Variants in FAM117B observed in about 807,000 individuals in gnomAD.
The protein encoded by FAM117B is family with sequence similarity 117 member B.
In FAM117B, 22 loss-of-function variants were observed where a neutral mutation model predicts 52.8. That is an observed-to-expected ratio of 0.42 (90% confidence interval 0.30 to 0.59). The LOEUF (loss-of-function observed/expected upper bound fraction) is 0.59. Ranked by LOEUF, FAM117B falls within the 20% of genes least tolerant of loss-of-function variation. The pLI is 0.22. For synonymous variants in FAM117B, 309 were observed against 324.1 expected (o/e 0.95, Z 0.50); for missense variants, 678 against 802.6 (o/e 0.84, Z 1.88).
chr2:202,655,761 A>AGTGT (rs1182174843), intron 1 of FAM117B, among the ~76,000 whole-genome samples: 35 of 100,350 alleles, frequency 3.5e-4, no homozygotes, highest in Non-Finnish European at 5.5e-4. Flanking sequence ...AGAGAGAGAG[A>AGTGT]GTGTGTGTGT....
At chr2:202,731,008 T>G (rs964755203) in intron 4 of FAM117B, among the ~76,000 whole-genome samples, 2 of 152,186 alleles carry the variant, frequency 1.3e-5, no homozygotes, top group Non-Finnish European at 2.9e-5. Context: ...AAGGCATTTG[T>G]GTCTAAATTA....
chr2:202,729,195 A>G (rs1055900253), intron 4 of FAM117B, among the ~76,000 whole-genome samples: 1 of 152,146 alleles, frequency 6.6e-6, no homozygotes, highest in Non-Finnish European at 1.5e-5. Flanking sequence ...AAAATTAGCG[A>G]GGCTGGCGGG....
intron 2 of FAM117B, among the ~76,000 whole-genome samples, chr2:202,708,060 A>G (rs1690901143): frequency 6.6e-6 from 1 of 152,130 alleles, no homozygotes; most frequent in South Asian, 2.1e-4. Flanking sequence ...ATAAGCCACC[A>G]CGCCCAGCCT....
At chr2:202,696,157 C>A (rs1690709203) in intron 2 of FAM117B, 125 bp downstream of exon 2, 4 of 1,056,770 alleles carry the variant, frequency 3.8e-6, no homozygotes, top group Non-Finnish European at 5.1e-6. Flanking sequence ...AGAAACTTAC[C>A]AAAAAGAGCA....
At chr2:202,684,990 A>ATT (rs1000849731) in intron 1 of FAM117B, among the ~76,000 whole-genome samples, 4 of 148,064 alleles carry the variant, frequency 2.7e-5, no homozygotes, top group African/African-American at 9.8e-5. Flanking sequence ...CTCAAAAAAA[A>ATT]TTTTTTTTTT....
intron 2 of FAM117B, among the ~76,000 whole-genome samples, chr2:202,716,941 T>C (rs1235076735): frequency 6.6e-6 from 1 of 152,244 alleles, no homozygotes; most frequent in African/African-American, 2.4e-5. Context: ...TGGAATTTCT[T>C]TGAGCTTCCT....
chr2:202,757,395 T>A lies in FAM117B; in HGVS notation c.1287T>A (p.Ser429Arg), dbSNP rs1403787958. ...TTTCCAATGAAGGTAGCGAGGAGAG[T>A]CCTTGCTCAGCGGATGACCTGCTTG... ...LTISNEGSEE[S>R]PCSADDLLVD... The change falls in exon 6 of 8, where the codon AGT becomes AGA. Residue 429 changes from serine to arginine, a missense_variant. Physicochemically the swap from Ser to Arg is moderately radical, Grantham distance 110. Transcript: ENST00000392238. 1.2e-6 allele frequency: 2 copies of A among 1,613,694 alleles called. No homozygotes were observed. The highest frequency in any genetic ancestry group is 4.5e-5 in the East Asian group (2 of 44,862).
intron 5 of FAM117B, 54 bp downstream of exon 5, chr2:202,755,735 T>C: frequency 6.5e-7 from 1 of 1,530,108 alleles, no homozygotes; most frequent in Non-Finnish European, 8.9e-7. Context: ...TTATTAAAAA[T>C]GCACAGTTTG....
chr2:202,664,741 G>A (rs975420823), intron 1 of FAM117B, among the ~76,000 whole-genome samples: 9 of 151,908 alleles, frequency 5.9e-5, no homozygotes, highest in African/African-American at 1.9e-4. Context: ...CAGAACACGT[G>A]CCTCATTTGC....
intron 1 of FAM117B, among the ~76,000 whole-genome samples, chr2:202,657,010 A>G (rs1690065508): frequency 6.6e-6 from 1 of 152,114 alleles, no homozygotes. Context: ...CCTTTCTATA[A>G]TTCCATCCTT....
rs34063266 is a variant in FAM117B, at chr2:202,724,051, C to CTTTT, written c.754-845_754-842dup. Among the ~76,000 whole-genome samples the CTTTT allele has an allele frequency of 4.2e-3, 376 of 89,760 alleles. 9 individuals carry two copies. Among genetic ancestry groups the CTTTT allele is most frequent in the African/African-American group, 8.9e-3 (191 of 21,534 alleles). 58.9% of individuals were successfully genotyped at this position (89,760 alleles called of 152,430 possible). A position where few individuals can be genotyped will look rare whatever the true frequency, so the allele number is the denominator to read the frequency against. The stretch of plus-strand genomic sequence containing the variant: ...TTTGGTATAACTACTTAAGGTTTAA[C>CTTTT]TTTTTTTTTTTTTTTTTTTTTTTTG... On this transcript the variant is annotated intron_variant, in intron 2 of 7. Coordinates refer to ENST00000392238, the MANE Select transcript of FAM117B (RefSeq NM_173511.4).
intron 4 of FAM117B, among the ~76,000 whole-genome samples, chr2:202,731,358 T>TAG (rs1691345132): frequency 7.5e-6 from 1 of 133,070 alleles, no homozygotes; most frequent in Admixed American, 7.8e-5. Flanking sequence ...TATATATATA[T>TAG]ATATATATAT....
intron 1 of FAM117B, among the ~76,000 whole-genome samples, chr2:202,688,887 A>G (rs1325663808): frequency 6.6e-6 from 1 of 152,214 alleles, no homozygotes; most frequent in African/African-American, 2.4e-5. Flanking sequence ...AAACAAGTCT[A>G]AAAGGATACC....
At chr2:202,720,199 A>G (rs1182652327) in intron 2 of FAM117B, among the ~76,000 whole-genome samples, 1 of 151,974 alleles carries the variant, frequency 6.6e-6, no homozygotes. Context: ...ATTCTTCTGT[A>G]TTGATTTGTT....
At chr2:202,655,714 G>GAC (rs1690043575) in intron 1 of FAM117B, among the ~76,000 whole-genome samples, 1 of 30,412 alleles carries the variant, frequency 3.3e-5, no homozygotes, top group Non-Finnish European at 6.3e-5. Context: ...GAGTGAGAGA[G>GAC]AGAGAGAGAG....
At chr2:202,665,735 G>A (rs1690195332) in intron 1 of FAM117B, among the ~76,000 whole-genome samples, 1 of 152,110 alleles carries the variant, frequency 6.6e-6, no homozygotes, top group Non-Finnish European at 1.5e-5. Flanking sequence ...TGAGTAGCTG[G>A]GACTACAGGT....
At position 202,635,418 on chromosome 2, in the gene FAM117B, A is replaced by T. The variant is rs1689663572; in HGVS notation, c.231A>T (p.Ala77=). Residue 77 remains alanine (A), a synonymous_variant, in exon 1 of 8, where the codon GCA becomes GCT. Transcript: ENST00000392238. The part of the protein sequence containing the change: ...GGCCGGASGP[A]GGGGGGGPRT... ...GCTGTGGTGGCGCCTCAGGCCCCGC[A>T]GGCGGCGGCGGCGGCGGTGGCCCGC... The T allele has an allele frequency of 8.1e-7, 1 of 1,237,520 alleles. No homozygotes were observed. The highest frequency in any genetic ancestry group is 1.6e-5 in the African/African-American group (1 of 62,044). The allele number at this position is 1,237,520 out of a possible 1,614,324, so 76.7% of individuals were successfully genotyped here. A position where few individuals can be genotyped will look rare whatever the true frequency, so the allele number is the denominator to read the frequency against.
intron 2 of FAM117B, among the ~76,000 whole-genome samples, chr2:202,710,321 A>G (rs1690937018): frequency 6.6e-6 from 1 of 152,084 alleles, no homozygotes; most frequent in South Asian, 2.1e-4. Flanking sequence ...AGTTTTCTGT[A>G]TATAAGTCTT....
chr2:202,702,527 A>T (rs985559035), intron 2 of FAM117B, among the ~76,000 whole-genome samples: 1 of 152,170 alleles, frequency 6.6e-6, no homozygotes, highest in African/African-American at 2.4e-5. Context: ...TGTCAAAAAG[A>T]TTGTGACTTA....
Sources: allele counts gnomAD v4.1 joint callset (sites outside exome capture counted in the v4.1 genomes callset), GRCh38; gene constraint gnomAD v4.1.1; transcripts MANE v1.5; gene names NCBI Gene and HGNC (gene_info 2026-07-23, HGNC 2026-07-21).